The following TUBGCP2 variants were observed in gnomAD, a reference collection of about 807,000 sequenced individuals.
TUBGCP2 encodes tubulin gamma complex component 2, also known as gamma-tubulin complex component 2.
In TUBGCP2, 55 loss-of-function variants were observed where a neutral mutation model predicts 92.2. That is an observed-to-expected ratio of 0.60 (90% CI 0.48 to 0.75). The LOEUF (loss-of-function observed/expected upper bound fraction) is 0.75, where lower values mean the gene tolerates loss of function less well. Ranked by LOEUF, TUBGCP2 falls within the 30% of genes least tolerant of loss-of-function variation. The pLI is 0.00. For synonymous variants in TUBGCP2, 533 were observed against 505.2 expected, an observed-to-expected ratio of 1.06 and a Z score of -0.74; for missense variants, 1,093 against 1,188.9, an observed-to-expected ratio of 0.92 and a Z score of 1.19.
upstream of TUBGCP2, chr10:133,309,812 C>A (rs1410977260): frequency 6.2e-7 from 1 of 1,613,502 alleles, no homozygotes; most frequent in South Asian, 1.1e-5. Flanking sequence ...CCGGCTGCTG[C>A]CAGGTGTTCG....
intron 11 of TUBGCP2, 84 bp downstream of exon 11, chr10:133,288,045 G>T: frequency 6.7e-7 from 1 of 1,484,976 alleles, no homozygotes; most frequent in Non-Finnish European, 9.0e-7. Context: ...GGGAGTGGGG[G>T]ACAGGGCTGG....
rs769887566 is a variant in TUBGCP2 at position 133,283,126 on chromosome 10, G to C, written c.2241C>G (p.Val747=). 3.1e-6 allele frequency: 5 copies of C among 1,614,240 alleles called. No homozygotes were observed. The South Asian group carries it at 4.4e-5, about 14-fold the overall frequency. Residue 747 remains valine, a synonymous_variant, in exon 15 of 18, where the codon GTC becomes GTG. Transcript: ENST00000252936. ...CMLTNPELLK[V]FSKLMSVCVM... is the part of the protein sequence containing the mutation. ...CGCACACAGACATGAGCTTGGAGAA[G>C]ACCTTCAGCAGCTCGGGGTTGGTGA...
intron 17 of TUBGCP2, among the ~76,000 whole-genome samples, chr10:133,280,908 G>T (rs1246402671): frequency 6.6e-6 from 1 of 151,844 alleles, no homozygotes; most frequent in Non-Finnish European, 1.5e-5. Context: ...AGGGGCAGGC[G>T]CTGGGCTGAG....
At position 133,279,505 on chromosome 10, in the gene TUBGCP2, G is replaced by A. The variant is rs1327318705; in HGVS notation, c.*261C>T. On this transcript the variant is annotated 3_prime_UTR_variant, in exon 18 of 18. Coordinates refer to ENST00000252936, the MANE Select transcript of TUBGCP2 (RefSeq NM_006659.4). ...TAAACACCATGTATTTCCACTTTGA[G>A]GCCAAAAACACCCAAAAAGGTGATA... 18 of 512,566 alleles carry A rather than the reference G, an allele frequency of 3.5e-5. No individual in the cohort carries two copies. The Admixed American group carries it at 3.7e-4, about 11-fold the overall frequency. The allele number at this position is 512,566 out of a possible 1,614,324, so 31.8% of individuals were successfully genotyped here. A position where few individuals can be genotyped will look rare whatever the true frequency, so the allele number is the denominator to read the frequency against.
At chr10:133,294,290 A>G (rs1847440546) in intron 5 of TUBGCP2, among the ~76,000 whole-genome samples, 1 of 152,228 alleles carries the variant, frequency 6.6e-6, no homozygotes, top group South Asian at 2.1e-4. Context: ...CTCAGGTCCC[A>G]GGACCAAGTT....
chr10:133,294,190 T>A (rs1458648862), intron 5 of TUBGCP2, among the ~76,000 whole-genome samples: 1 of 152,246 alleles, frequency 6.6e-6, no homozygotes, highest in African/African-American at 2.4e-5. Flanking sequence ...AAACTCTTGA[T>A]AATTTCTATC....
intron 5 of TUBGCP2, among the ~76,000 whole-genome samples, chr10:133,294,599 CTGTCCT>C (rs1488561436): frequency 6.6e-6 from 1 of 152,088 alleles, no homozygotes; most frequent in Non-Finnish European, 1.5e-5. Context: ...CAGATCCACA[CTGTCCT>C]TGTTTTTTTT....
chr10:133,296,430 G>A (rs1847488671), intron 5 of TUBGCP2, among the ~76,000 whole-genome samples: 1 of 152,026 alleles, frequency 6.6e-6, no homozygotes, highest in Non-Finnish European at 1.5e-5. Context: ...TTCACAGTTG[G>A]GTTTTCACAG....
chr10:133,305,571 C>T (rs571569621), intron 1 of TUBGCP2, among the ~76,000 whole-genome samples: 2 of 152,074 alleles, frequency 1.3e-5, no homozygotes, highest in Non-Finnish European at 2.9e-5. Context: ...GAGAAAAACC[C>T]ACCGACCCTG....
In TUBGCP2 at chr10:133,293,776, GCA is replaced by G. The variant is rs1847423258; in HGVS notation, c.617-9_617-8del. On this transcript the variant is annotated splice_polypyrimidine_tract_variant and splice_region_variant and intron_variant, in intron 5 of 17. Coordinates refer to ENST00000252936, the MANE Select transcript of TUBGCP2 (RefSeq NM_006659.4). The stretch of plus-strand genomic sequence containing the variant: ...GAGGCCAGGGGCAACGTGCCTGCGG[GCA>G]CAGACAGCGCTGTGGCTCTGCAGCC... 1.9e-6 allele frequency: 3 copies of G among 1,573,956 alleles called. No individual in the cohort carries two copies. The highest frequency in any genetic ancestry group is 1.3e-5 in the African/African-American group (1 of 74,376).
upstream of TUBGCP2, chr10:133,310,518 G>A (rs1847966721): frequency 8.9e-6 from 5 of 563,888 alleles, no homozygotes; most frequent in South Asian, 4.0e-5. Flanking sequence ...GCTCTGTGCC[G>A]GTGGAGGCAG....
rs756289179 is a variant in TUBGCP2 at position 133,289,865 on chromosome 10, G to A, written c.1319C>T (p.Pro440Leu). Residue 440 changes from proline to leucine, a missense_variant, in exon 9 of 18, where the codon CCG becomes CTG. Pro to Leu is a moderately conservative substitution (Grantham distance 98). Coordinates refer to ENST00000252936, the MANE Select transcript of TUBGCP2 (RefSeq NM_006659.4). Reference protein sequence around the residue: ...QRYTIVQQQIPSFLQKMADKI... With the variant: ...QRYTIVQQQILSFLQKMADKI... Reference sequence around the variant, plus strand: ...GTCCGCCATTTTCTGCAGGAAGGACGGGATCTGCTGCTGGACGATGGTGTA... The same window carrying A: ...GTCCGCCATTTTCTGCAGGAAGGACAGGATCTGCTGCTGGACGATGGTGTA... 12 of 1,466,154 alleles carry A rather than the reference G, an allele frequency of 8.2e-6. No homozygotes were observed. Among genetic ancestry groups the A allele is most frequent in the South Asian group, 2.4e-5 (2 of 84,394 alleles). The allele number at this position is 1,466,154 out of a possible 1,614,324, so 90.8% of individuals were successfully genotyped here. A position where few individuals can be genotyped will look rare whatever the true frequency, so the allele number is the denominator to read the frequency against.
chr10:133,288,734 C>T, intron 10 of TUBGCP2, 106 bp downstream of exon 10: 1 of 1,306,176 alleles, frequency 7.7e-7, no homozygotes, highest in East Asian at 2.5e-5. Flanking sequence ...TTCAAAAAGA[C>T]AAGGCGGAGC....
upstream of TUBGCP2, chr10:133,312,158 T>C: frequency 7.0e-7 from 1 of 1,430,822 alleles, no homozygotes; most frequent in Non-Finnish European, 9.1e-7. Flanking sequence ...TCTGCCTTAA[T>C]AGCATCACCT....
chr10:133,312,064 T>G, upstream of TUBGCP2: 1 of 1,469,906 alleles, frequency 6.8e-7, no homozygotes, highest in Non-Finnish European at 9.0e-7. Context: ...AGCGCAGGAA[T>G]GCCAAGCACC....
At chr10:133,309,612 C>T, upstream of TUBGCP2, 1 of 1,266,622 alleles carries the variant, frequency 7.9e-7, no homozygotes, top group Non-Finnish European at 1.1e-6. Flanking sequence ...GCCGACTCTT[C>T]CACCACCTAG....
Position 133,299,543 on chromosome 10 carries a change from C to T in TUBGCP2, c.340G>A (p.Gly114Ser). 1 of 1,613,810 alleles carries T rather than the reference C, an allele frequency of 6.2e-7. No individual in the cohort carries two copies. The highest frequency in any genetic ancestry group is 8.5e-7 in the Non-Finnish European group (1 of 1,179,878). Residue 114 changes from glycine to serine, a missense_variant, in exon 4 of 18, where the codon GGC (glycine) becomes AGC (serine). Physicochemically the swap from Gly to Ser is moderately conservative, Grantham distance 56 (BLOSUM62 0). Transcript: ENST00000252936. ...ERAELAAAAV[G>S]SSTTSINVPA... ...ACGTTGATGCTGGTGGTACTGCTGCCCACAGCAGCGGCTGCAAGCTCAGCT... is the reference window on the plus strand; with the variant it reads ...ACGTTGATGCTGGTGGTACTGCTGCTCACAGCAGCGGCTGCAAGCTCAGCT...
In TUBGCP2 at chr10:133,289,839, T is replaced by C; in HGVS notation, c.1345A>G (p.Lys449Glu). The C allele has an allele frequency of 3.7e-6, 2 of 539,498 alleles. No homozygotes were observed. The highest frequency in any genetic ancestry group is 5.1e-6 in the Non-Finnish European group (2 of 393,002). The allele number at this position is 539,498 out of a possible 1,614,324, so 33.4% of individuals were successfully genotyped here. A position where few individuals can be genotyped will look rare whatever the true frequency, so the allele number is the denominator to read the frequency against. The change falls in exon 9 of 18, where the codon AAG (lysine) becomes GAG (glutamate). Residue 449 changes from lysine to glutamate, a missense_variant. Around this residue, in one of 3 missense-constraint regions of TUBGCP2, gnomAD observed 598 missense variants for 675.5 expected, o/e 0.89. Coordinates refer to ENST00000252936, the MANE Select transcript of TUBGCP2 (RefSeq NM_006659.4). ...IPSFLQKMAD[K>E]ILSTGKYLNV... ...TGCGCCGCACCTGTGCTGAGGATCT[T>C]GTCCGCCATTTTCTGCAGGAAGGAC...
In TUBGCP2 at chr10:133,294,192, A is replaced by C. The variant is rs191220093; in HGVS notation, c.617-423T>G. 2.6e-5 allele frequency among the ~76,000 whole-genome samples: 4 copies of C among 152,348 alleles called. No homozygotes were observed. The East Asian group carries it at 7.7e-4, about 29-fold the overall frequency. The stretch of plus-strand genomic sequence containing the variant: ...CTTAAACGTTAAGAAACTCTTGATA[A>C]TTTCTATCCAGAGAGGATGAGACGG... On this transcript the variant is annotated intron_variant, in intron 5 of 17. Transcript: ENST00000252936.
Sources: allele counts gnomAD v4.1 joint callset (sites outside exome capture counted in the v4.1 genomes callset), GRCh38; gene constraint gnomAD v4.1.1; regional missense constraint gnomAD v4.1.1; transcripts MANE v1.5; gene names NCBI Gene and HGNC (gene_info 2026-07-23, HGNC 2026-07-21).